The following DDR2 variants were observed in gnomAD, a reference collection of about 807,000 sequenced individuals.
DDR2 encodes discoidin domain-containing receptor 2.
A neutral mutation model predicts 94.9 loss-of-function variants in DDR2; 27 were observed. The observed-to-expected ratio is 0.28, with a 90% CI of 0.21 to 0.39. DDR2 has a LOEUF of 0.39. DDR2 is among the 10% of genes least tolerant of loss of function. DDR2 has a pLI of 1.00. For synonymous variants in DDR2, 382 were observed against 377.2 expected, an observed-to-expected ratio of 1.01 and a Z score of -0.15; for missense variants, 783 against 1,076.0, an observed-to-expected ratio of 0.73 and a Z score of 3.81.
chr1:162,732,965 C>T lies in DDR2; in HGVS notation c.82+13820C>T, dbSNP rs12745107. 4.8e-3 allele frequency among the ~76,000 whole-genome samples: 735 copies of T among 152,338 alleles called. 7 individuals are homozygous for T. The highest frequency in any genetic ancestry group is 0.018 in the East Asian group (94 of 5,184). On this transcript the variant is annotated intron_variant, in intron 3 of 17. Coordinates refer to ENST00000367921, the MANE Select transcript of DDR2 (RefSeq NM_006182.4). ...ACCAGAGCTTGGAGGGCTGGAGCTCCCTGCTGGGCCTGCCACAGCCTGTGC... is the reference window on the plus strand; with the variant it reads ...ACCAGAGCTTGGAGGGCTGGAGCTCTCTGCTGGGCCTGCCACAGCCTGTGC...
chr1:162,635,260 AC>A (rs753923543), intron 1 of DDR2, among the ~76,000 whole-genome samples: 4 of 152,064 alleles, frequency 2.6e-5, no homozygotes, highest in Non-Finnish European at 5.9e-5. Context: ...TTTACTTCAA[AC>A]CTTTCCATGT....
chr1:162,766,623 A>G (rs1315220614), intron 10 of DDR2, among the ~76,000 whole-genome samples: 2 of 152,202 alleles, frequency 1.3e-5, no homozygotes, highest in Non-Finnish European at 2.9e-5. Context: ...GACTCAGGCC[A>G]TAATAATACA....
Position 162,786,550 on chromosome 1 carries a change from A to G in DDR2, c.*6304A>G, listed in dbSNP as rs1571336705. 1 of 152,340 alleles carries G rather than the reference A, an allele frequency of 6.6e-6. No individual in the cohort carries two copies. The allele number at this position is 152,340 out of a possible 1,614,324, so 9.4% of individuals were successfully genotyped here. On this transcript the variant is annotated 3_prime_UTR_variant, in exon 18 of 18. Transcript: ENST00000367921. ...GTCAGATGATAAATTGTAAATAACAATGATTAAAGAGTCATGCTACTGATG... is the reference window on the plus strand; with the variant it reads ...GTCAGATGATAAATTGTAAATAACAGTGATTAAAGAGTCATGCTACTGATG...
chr1:162,778,821 G>A (rs1249999529), intron 17 of DDR2, 92 bp downstream of exon 17: 2 of 1,530,038 alleles, frequency 1.3e-6, no homozygotes, highest in Non-Finnish European at 1.8e-6. Flanking sequence ...GGGCCGAGAT[G>A]GAAGACAGAC....
intron 1 of DDR2, among the ~76,000 whole-genome samples, chr1:162,648,237 C>G (rs1558004042): frequency 2.0e-5 from 3 of 152,008 alleles, no homozygotes; most frequent in Non-Finnish European, 4.4e-5. Flanking sequence ...GTTTGTATAG[C>G]CAGGGGACTG....
upstream of DDR2, chr1:162,632,094 G>A (rs1656585723): frequency 7.0e-6 from 1 of 143,578 alleles, no homozygotes; most frequent in South Asian, 2.5e-4. Context: ...TTCAGCTCAA[G>A]TAAGAAAAAT....
chr1:162,742,696 G>A (rs1465353218), intron 3 of DDR2, among the ~76,000 whole-genome samples: 2 of 151,622 alleles, frequency 1.3e-5, no homozygotes, highest in East Asian at 3.9e-4. Flanking sequence ...TATATCTGAT[G>A]GTGTATTAAT....
intron 10 of DDR2, among the ~76,000 whole-genome samples, chr1:162,766,990 T>C (rs912791048): frequency 6.7e-5 from 10 of 149,926 alleles, no homozygotes; most frequent in Non-Finnish European, 1.0e-4. Flanking sequence ...GATCATGCCA[T>C]TGCACTCCAT....
Position 162,661,019 on chromosome 1 carries a change from C to A in DDR2, c.-28+5645C>A, listed in dbSNP as rs185032015. Among the ~76,000 whole-genome samples, 10 of 152,278 alleles carry A rather than the reference C, an allele frequency of 6.6e-5. No individual in the cohort carries two copies. In the East Asian group the frequency reaches 1.7e-3, roughly 26 times the overall value. On this transcript the variant is annotated intron_variant, in intron 2 of 17. Coordinates refer to ENST00000367921, the MANE Select transcript of DDR2 (RefSeq NM_006182.4). ...AGAATCAAATAGCTATACTCTCTTG[C>A]CCCAGTGGCAAACTTCGCAAGCCCA...
At position 162,782,986 on chromosome 1, in the gene DDR2, A is replaced by G. The variant is rs866299599; in HGVS notation, c.*2740A>G. On this transcript the variant is annotated 3_prime_UTR_variant, in exon 18 of 18. Transcript: ENST00000367921. ...GAGTTTAGTAGCACAAATCCATGCA[A>G]CCCAACAGAATACATGGTGAGGGCC... 98 of 152,152 alleles carry G rather than the reference A, an allele frequency of 6.4e-4. No homozygotes were observed. The highest frequency in any genetic ancestry group is 2.0e-3 in the African/African-American group (81 of 41,440). The allele number at this position is 152,152 out of a possible 1,614,324, so 9.4% of individuals were successfully genotyped here.
At chr1:162,679,689 C>A (rs1220678812) in intron 2 of DDR2, among the ~76,000 whole-genome samples, 1 of 152,110 alleles carries the variant, frequency 6.6e-6, no homozygotes, top group Non-Finnish European at 1.5e-5. Flanking sequence ...AACGGTAATT[C>A]TCCTTTTAGT....
intron 15 of DDR2, 43 bp downstream of exon 15, chr1:162,775,886 A>G (rs2102197117): frequency 1.9e-6 from 3 of 1,610,544 alleles, no homozygotes; most frequent in Non-Finnish European, 2.5e-6. Flanking sequence ...TGGTCATGAG[A>G]GTAACCTGGG....
chr1:162,780,375 C>T lies in DDR2; in HGVS notation c.*129C>T, dbSNP rs921130511. Reference sequence around the variant, plus strand: ...GAGACAGAGGCTTGTTTGCTTTGCCCTCTTTTCCTGGTCACCCCCACTCCC... The same window carrying T: ...GAGACAGAGGCTTGTTTGCTTTGCCTTCTTTTCCTGGTCACCCCCACTCCC... On this transcript the variant is annotated 3_prime_UTR_variant, in exon 18 of 18. Coordinates refer to ENST00000367921, the MANE Select transcript of DDR2 (RefSeq NM_006182.4). The T allele has an allele frequency of 6.3e-6, 9 of 1,434,844 alleles. No homozygotes were observed. Among genetic ancestry groups the T allele is most frequent in the Admixed American group, 1.9e-5 (1 of 51,364 alleles). 88.9% of individuals were successfully genotyped at this position (1,434,844 alleles called of 1,614,324 possible).
intron 14 of DDR2, 143 bp from the exon 15 acceptor site, chr1:162,775,508 CA>C: frequency 1.3e-6 from 1 of 793,124 alleles, no homozygotes; most frequent in Non-Finnish European, 2.1e-6. Context: ...ATCCAGGTGT[CA>C]ATTTCTCTGT....
chr1:162,731,737 A>G (rs1208724969), intron 3 of DDR2, among the ~76,000 whole-genome samples: 2 of 152,248 alleles, frequency 1.3e-5, no homozygotes, highest in African/African-American at 2.4e-5. Context: ...TCTATAAAGT[A>G]TGCTAACTTC....
intron 3 of DDR2, among the ~76,000 whole-genome samples, chr1:162,734,658 A>G (rs1158716240): frequency 6.6e-6 from 1 of 152,182 alleles, no homozygotes; most frequent in Non-Finnish European, 1.5e-5. Flanking sequence ...GAGGATGCAC[A>G]TCCCAGGTAA....
intron 2 of DDR2, among the ~76,000 whole-genome samples, chr1:162,667,349 G>A (rs966677615): frequency 6.6e-6 from 1 of 152,100 alleles, no homozygotes. Context: ...GAGAGCTAAA[G>A]GGGGCAACTG....
intron 2 of DDR2, among the ~76,000 whole-genome samples, chr1:162,707,728 C>T (rs527863850): frequency 1.1e-4 from 17 of 152,294 alleles, no homozygotes; most frequent in East Asian, 5.8e-4. Context: ...GCTAAACATA[C>T]GATTGCCACC....
rs559705859 is a variant in DDR2 at position 162,747,430 on chromosome 1, C to T, written c.83-5665C>T. Among the ~76,000 whole-genome samples, 478 of 147,846 alleles carry T rather than the reference C, an allele frequency of 3.2e-3. 4 individuals carry two copies. The highest frequency in any genetic ancestry group is 0.011 in the African/African-American group (449 of 40,328). On this transcript the variant is annotated intron_variant, in intron 3 of 17. Transcript: ENST00000367921. ...GGAAGTTCAAGTGAATGAAATGAAGCGAGAAGAGAAGTTTAGAGAAAAAAG... is the reference window on the plus strand; with the variant it reads ...GGAAGTTCAAGTGAATGAAATGAAGTGAGAAGAGAAGTTTAGAGAAAAAAG...
Sources: allele counts gnomAD v4.1 joint callset (sites outside exome capture counted in the v4.1 genomes callset), GRCh38; gene constraint gnomAD v4.1.1; transcripts MANE v1.5; gene names NCBI Gene and HGNC (gene_info 2026-07-23, HGNC 2026-07-21).